Variants in PRKG1 observed in about 807,000 individuals in gnomAD.
The protein encoded by PRKG1 is protein kinase cGMP-dependent 1, also known as cGMP-dependent protein kinase 1.
PRKG1 carries 35 observed loss-of-function variants against 88.1 expected under a neutral mutation model. The ratio of observed to expected loss-of-function variants is 0.40; its 90% CI spans 0.30 to 0.53. The LOEUF (loss-of-function observed/expected upper bound fraction) is 0.53. Among genes scored for constraint, PRKG1 ranks in the 20% least tolerant of loss-of-function variants. The pLI, the probability that PRKG1 is intolerant of heterozygous loss-of-function variation, is 0.59. For synonymous variants in PRKG1, 303 were observed against 292.5 expected (o/e 1.04, Z -0.37); for missense variants, 540 against 839.8 (o/e 0.64, Z 4.41).
intron 3 of PRKG1, among the ~76,000 whole-genome samples, chr10:51,502,353 TTCA>T (rs1270760624): frequency 1.3e-5 from 2 of 152,150 alleles, no homozygotes; most frequent in East Asian, 3.9e-4. Context: ...TGTGCTCAGT[TTCA>T]TCAAGTGCCA....
At chr10:52,139,400 T>C (rs1837513469) in intron 8 of PRKG1, among the ~76,000 whole-genome samples, 1 of 152,146 alleles carries the variant, frequency 6.6e-6, no homozygotes, top group African/African-American at 2.4e-5. Context: ...AGGATACAGC[T>C]TCTGATGCTG....
intron 3 of PRKG1, among the ~76,000 whole-genome samples, chr10:51,575,995 C>T (rs1297291120): frequency 1.3e-5 from 2 of 151,806 alleles, no homozygotes; most frequent in Non-Finnish European, 2.9e-5. Context: ...AAAATACAAA[C>T]ATATTATAAC....
chr10:52,143,336 G>A (rs554896739), intron 8 of PRKG1, among the ~76,000 whole-genome samples: 14 of 152,168 alleles, frequency 9.2e-5, no homozygotes, highest in African/African-American at 2.6e-4. Context: ...TTGCGGGGGC[G>A]GGGCTGTCAT....
At chr10:52,077,332 A>T (rs77954881) in intron 7 of PRKG1, among the ~76,000 whole-genome samples, 1 of 152,078 alleles carries the variant, frequency 6.6e-6, no homozygotes, top group South Asian at 2.1e-4. Context: ...GATTAAAAAA[A>T]GTACATGCTG....
chr10:51,865,165 C>T (rs191429461), intron 4 of PRKG1, among the ~76,000 whole-genome samples: 13 of 152,080 alleles, frequency 8.5e-5, no homozygotes, highest in African/African-American at 2.4e-4. Flanking sequence ...ATTAAAGATG[C>T]GTATAGTGAA....
intron 2 of PRKG1, among the ~76,000 whole-genome samples, chr10:51,326,949 T>C (rs542004713): frequency 6.6e-6 from 1 of 152,332 alleles, no homozygotes; most frequent in South Asian, 2.1e-4. Context: ...TTATTTATTG[T>C]GTTGATCATG....
chr10:51,590,808 C>T (rs72797304), intron 3 of PRKG1, among the ~76,000 whole-genome samples: 14,311 of 146,918 alleles, frequency 0.097, 910 homozygotes, highest in Middle Eastern at 0.16. Context: ...CCTACCATTT[C>T]GATATGGGGG....
chr10:51,155,574 T>C (rs1846186025), intron 2 of PRKG1, among the ~76,000 whole-genome samples: 1 of 151,952 alleles, frequency 6.6e-6, no homozygotes, highest in Non-Finnish European at 1.5e-5. Flanking sequence ...TGGGGCTATG[T>C]ATTAGTCAGG....
intron 1 of PRKG1, among the ~76,000 whole-genome samples, chr10:51,052,557 T>A (rs1434632168): frequency 6.6e-6 from 1 of 152,238 alleles, no homozygotes; most frequent in East Asian, 1.9e-4. Flanking sequence ...GTTTTATTTT[T>A]AACTAGATTT....
At chr10:51,936,953 A>G (rs1842811926) in intron 5 of PRKG1, among the ~76,000 whole-genome samples, 1 of 151,976 alleles carries the variant, frequency 6.6e-6, no homozygotes. Context: ...GAATTGATAT[A>G]GTTAGAAGAG....
At chr10:52,112,855 A>T (rs1431772285) in intron 7 of PRKG1, among the ~76,000 whole-genome samples, 3 of 152,186 alleles carry the variant, frequency 2.0e-5, no homozygotes, top group Non-Finnish European at 2.9e-5. Flanking sequence ...AATTATGACT[A>T]CGGTCGTCCA....
At chr10:51,329,951 A>G (rs1258531698) in intron 2 of PRKG1, among the ~76,000 whole-genome samples, 1 of 129,988 alleles carries the variant, frequency 7.7e-6, no homozygotes, top group Admixed American at 7.8e-5. Context: ...TTTTTGGATT[A>G]GATATGATTG....
chr10:51,846,848 C>T (rs1370408613), intron 4 of PRKG1, among the ~76,000 whole-genome samples: 1 of 151,914 alleles, frequency 6.6e-6, no homozygotes, highest in Non-Finnish European at 1.5e-5. Flanking sequence ...TGGATTTGAT[C>T]CTCGAATGGG....
intron 5 of PRKG1, among the ~76,000 whole-genome samples, chr10:51,963,723 C>T (rs1485847696): frequency 6.6e-6 from 1 of 152,160 alleles, no homozygotes; most frequent in Admixed American, 6.5e-5. Flanking sequence ...GCTGGGATTA[C>T]AGGCGTGAGG....
intron 1 of PRKG1, among the ~76,000 whole-genome samples, chr10:51,030,831 G>C (rs1250817970): frequency 2.6e-5 from 4 of 152,184 alleles, no homozygotes; most frequent in South Asian, 2.1e-4. Context: ...ACCAGAAGCA[G>C]ATGCTGGTGC....
At chr10:52,035,203 T>C (rs1845575049) in intron 5 of PRKG1, among the ~76,000 whole-genome samples, 1 of 152,092 alleles carries the variant, frequency 6.6e-6, no homozygotes, top group Non-Finnish European at 1.5e-5. Flanking sequence ...CCTCTACCTA[T>C]CCAGTGAAAG....
chr10:51,385,511 A>G (rs1479881338), intron 2 of PRKG1, among the ~76,000 whole-genome samples: 1 of 152,126 alleles, frequency 6.6e-6, no homozygotes, highest in Non-Finnish European at 1.5e-5. Flanking sequence ...GATGGACCAA[A>G]TGTGTTCTTA....
At chr10:51,108,032 A>G (rs1317314981) in intron 1 of PRKG1, among the ~76,000 whole-genome samples, 13 of 152,144 alleles carry the variant, frequency 8.5e-5, no homozygotes, top group Non-Finnish European at 1.8e-4. Context: ...TAAAAGGCAC[A>G]TACTACCAAA....
At chr10:51,686,655 G>A (rs1385966856) in intron 3 of PRKG1, among the ~76,000 whole-genome samples, 1 of 152,188 alleles carries the variant, frequency 6.6e-6, no homozygotes, top group Non-Finnish European at 1.5e-5. Context: ...GGCAAACAAA[G>A]CCCCAATTAG....
Sources: allele counts gnomAD v4.1 joint callset (sites outside exome capture counted in the v4.1 genomes callset), GRCh38; gene constraint gnomAD v4.1.1; transcripts MANE v1.5; gene names NCBI Gene and HGNC (gene_info 2026-07-23, HGNC 2026-07-21).